The following MSRA variants were observed in gnomAD, a reference collection of about 807,000 sequenced individuals.
MSRA encodes mitochondrial peptide methionine sulfoxide reductase.
In MSRA, 54 loss-of-function variants were observed where a neutral mutation model predicts 31.3. The observed-to-expected ratio is 1.73, with a 90% CI of 1.39 to 2.17. The LOEUF (loss-of-function observed/expected upper bound fraction) is 2.17, where lower values mean the gene tolerates loss of function less well. MSRA is among the 30% of genes most tolerant of loss of function. The pLI, the probability that MSRA is intolerant of heterozygous loss-of-function variation, is 0.00. For missense variants in MSRA, 507 were observed against 300.9 expected (o/e 1.69, Z -5.07); for synonymous variants, 169 against 116.5 (o/e 1.45, Z -2.90).
intron 5 of MSRA, among the ~76,000 whole-genome samples, chr8:10,369,502 G>T (rs949912222): frequency 1.1e-4 from 17 of 152,324 alleles, no homozygotes; most frequent in Admixed American, 9.8e-4. Context: ...GTCACACCCA[G>T]TGAAGACTTT....
intron 1 of MSRA, among the ~76,000 whole-genome samples, chr8:10,103,656 C>T (rs1440922844): frequency 1.3e-5 from 2 of 151,936 alleles, no homozygotes. Flanking sequence ...GATAATGTAC[C>T]TAATTCTGTA....
intron 2 of MSRA, among the ~76,000 whole-genome samples, chr8:10,232,385 G>T (rs1036892959): frequency 1.3e-4 from 20 of 152,204 alleles, no homozygotes; most frequent in African/African-American, 4.6e-4. Flanking sequence ...ACAGGAGTGT[G>T]CTAGTTAGCA....
At chr8:10,212,868 T>C (rs931314058) in intron 2 of MSRA, among the ~76,000 whole-genome samples, 13 of 152,214 alleles carry the variant, frequency 8.5e-5, no homozygotes, top group Non-Finnish European at 4.4e-5. Flanking sequence ...GTCAAAATTC[T>C]TTGAACCCAT....
intron 5 of MSRA, among the ~76,000 whole-genome samples, chr8:10,354,580 A>G (rs1804393006): frequency 6.6e-6 from 1 of 152,164 alleles, no homozygotes; most frequent in Admixed American, 6.5e-5. Flanking sequence ...ACCTTAAACA[A>G]TAGAATCAGT....
At chr8:10,072,603 A>G (rs958892228) in intron 1 of MSRA, among the ~76,000 whole-genome samples, 4 of 152,218 alleles carry the variant, frequency 2.6e-5, no homozygotes, top group Non-Finnish European at 5.9e-5. Flanking sequence ...CCCACTCCAT[A>G]TAAACATCCA....
chr8:10,335,846 G>A (rs1281909286), intron 5 of MSRA, among the ~76,000 whole-genome samples: 1 of 152,210 alleles, frequency 6.6e-6, no homozygotes, highest in African/African-American at 2.4e-5. Context: ...CTTCTCATAA[G>A]GAGCCTGGGA....
At chr8:10,298,658 T>G (rs1040571281) in intron 3 of MSRA, among the ~76,000 whole-genome samples, 1 of 152,224 alleles carries the variant, frequency 6.6e-6, no homozygotes, top group Non-Finnish European at 1.5e-5. Context: ...TGGCATCAAG[T>G]AGATAAGTGG....
chr8:10,147,763 T>C (rs1176797951), intron 1 of MSRA, among the ~76,000 whole-genome samples: 1 of 152,070 alleles, frequency 6.6e-6, no homozygotes, highest in Non-Finnish European at 1.5e-5. Context: ...ATTCCTGCAT[T>C]CTCCTAGCAT....
At chr8:10,319,357 C>A (rs532466914) in intron 4 of MSRA, among the ~76,000 whole-genome samples, 1 of 152,218 alleles carries the variant, frequency 6.6e-6, no homozygotes, top group South Asian at 2.1e-4. Context: ...AGAAAATGCT[C>A]TTTGCTGACT....
chr8:10,228,124 C>T (rs192581553), intron 2 of MSRA, among the ~76,000 whole-genome samples: 6 of 152,192 alleles, frequency 3.9e-5, no homozygotes, highest in Admixed American at 3.3e-4. Context: ...GGCTGTCTCT[C>T]GTCCACTGAG....
Position 10,207,813 on chromosome 8 carries a change from T to A in MSRA, c.143-20T>A, listed in dbSNP as rs1233644459. 6.3e-7 allele frequency: 1 copy of A among 1,597,312 alleles called. No homozygotes were observed. Among genetic ancestry groups the A allele is most frequent in the East Asian group, 2.2e-5 (1 of 44,780 alleles). On this transcript the variant is annotated intron_variant, in intron 1 of 5. Transcript: ENST00000317173. ...TAGAACTTTACACTTAAACTTGCAT[T>A]TCTTTTTTTTTTTTTCTAGCCAAAC...
chr8:10,232,005 G>GT (rs1811522160), intron 2 of MSRA, among the ~76,000 whole-genome samples: 1 of 152,198 alleles, frequency 6.6e-6, no homozygotes, highest in South Asian at 2.1e-4. Flanking sequence ...TTGTTACTTT[G>GT]AACAGTCAGC....
chr8:10,360,077 G>A (rs1168463544), intron 5 of MSRA, among the ~76,000 whole-genome samples: 3 of 152,216 alleles, frequency 2.0e-5, no homozygotes, highest in African/African-American at 7.2e-5. Context: ...TGGGGACAGT[G>A]CAGCTCCAGC....
chr8:10,203,915 C>T (rs925279447), intron 1 of MSRA, among the ~76,000 whole-genome samples: 11 of 151,484 alleles, frequency 7.3e-5, no homozygotes, highest in Non-Finnish European at 1.5e-4. Context: ...TAGGCTTAGG[C>T]GAATGTGTGC....
intron 5 of MSRA, among the ~76,000 whole-genome samples, chr8:10,338,148 G>A (rs570355545): frequency 1.3e-5 from 2 of 152,352 alleles, no homozygotes; most frequent in East Asian, 1.9e-4. Flanking sequence ...TTGTGTGAAA[G>A]AGGAACCTAG....
At chr8:10,386,648 G>T (rs116483358) in intron 5 of MSRA, among the ~76,000 whole-genome samples, 3 of 151,994 alleles carry the variant, frequency 2.0e-5, no homozygotes, top group African/African-American at 7.3e-5. Flanking sequence ...GCAGGACTGC[G>T]GTCCCAAAAT....
intron 3 of MSRA, among the ~76,000 whole-genome samples, chr8:10,265,774 C>G (rs12679743): frequency 2.6e-5 from 4 of 152,138 alleles, no homozygotes; most frequent in Non-Finnish European, 5.9e-5. Flanking sequence ...TTCCTCACCC[C>G]GCAGCCCTGG....
At chr8:10,343,308 GTAAT>G (rs1320940817) in intron 5 of MSRA, among the ~76,000 whole-genome samples, 2 of 152,222 alleles carry the variant, frequency 1.3e-5, no homozygotes, top group Non-Finnish European at 2.9e-5. Context: ...AAGATCGGAT[GTAAT>G]TAGTTTACAT....
At chr8:10,286,218 T>C (rs568442363) in intron 3 of MSRA, among the ~76,000 whole-genome samples, 1 of 152,298 alleles carries the variant, frequency 6.6e-6, no homozygotes, top group South Asian at 2.1e-4. Flanking sequence ...GTAGTTCCCG[T>C]TTTTCAACAT....
Sources: allele counts gnomAD v4.1 joint callset (sites outside exome capture counted in the v4.1 genomes callset), GRCh38; gene constraint gnomAD v4.1.1; transcripts MANE v1.5; gene names NCBI Gene and HGNC (gene_info 2026-07-23, HGNC 2026-07-21).